Variants in FOXN3 observed in about 807,000 individuals in gnomAD.
The protein encoded by FOXN3 is forkhead box N3.
A neutral mutation model predicts 38.4 loss-of-function variants in FOXN3; 7 were observed. That is an observed-to-expected ratio of 0.18 (90% CI 0.10 to 0.34). The LOEUF is 0.34. Among genes scored for constraint, FOXN3 ranks in the 10% least tolerant of loss-of-function variants. FOXN3 has a pLI of 1.00. For missense variants in FOXN3, 456 were observed against 613.4 expected (o/e 0.74, Z 2.71); for synonymous variants, 230 against 242.2 (o/e 0.95, Z 0.47).
chr14:89,268,563 G>T (rs367734349), intron 4 of FOXN3, among the ~76,000 whole-genome samples: 1 of 152,206 alleles, frequency 6.6e-6, no homozygotes, highest in African/African-American at 2.4e-5. Flanking sequence ...CCAGCCACAG[G>T]TAGGGCAAGG....
At chr14:89,506,304 CGCCCCGTCCGGG>C in intron 1 of FOXN3, among the ~76,000 whole-genome samples, 2 of 80,870 alleles carry the variant, frequency 2.5e-5, no homozygotes, top group African/African-American at 3.3e-5. Context: ...CCCGGCCAGC[CGCCCCGTCCGGG>C]AGGGAGGTGG....
intron 1 of FOXN3, among the ~76,000 whole-genome samples, chr14:89,614,494 T>C (rs1322576856): frequency 6.6e-6 from 1 of 152,170 alleles, no homozygotes; most frequent in African/African-American, 2.4e-5. Context: ...ACGTCACTAA[T>C]TGCCACCTTT....
intron 3 of FOXN3, among the ~76,000 whole-genome samples, chr14:89,292,786 C>G (rs1192260839): frequency 6.6e-6 from 1 of 152,176 alleles, no homozygotes; most frequent in Admixed American, 6.5e-5. Context: ...GCAGCACAAA[C>G]AGACTAAGAC....
intron 4 of FOXN3, among the ~76,000 whole-genome samples, chr14:89,243,516 C>T (rs1317258207): frequency 6.6e-6 from 1 of 152,186 alleles, no homozygotes. Context: ...AACCCGTGAC[C>T]TCCACACATC....
chr14:89,368,400 T>G (rs1232601525), intron 2 of FOXN3, among the ~76,000 whole-genome samples: 1 of 151,516 alleles, frequency 6.6e-6, no homozygotes, highest in African/African-American at 2.4e-5. Flanking sequence ...CCCAGCACTT[T>G]GGGAGGCCAA....
At chr14:89,510,620 G>A (rs1170636727) in intron 1 of FOXN3, among the ~76,000 whole-genome samples, 1 of 152,126 alleles carries the variant, frequency 6.6e-6, no homozygotes, top group African/African-American at 2.4e-5. Context: ...GCGACAGGAA[G>A]TTGTCAGAGT....
rs1382699381 is a variant in FOXN3, at chr14:89,160,700, G to C, written c.*1714C>G. 2 of 152,642 alleles carry C rather than the reference G, an allele frequency of 1.3e-5. No individual in the cohort carries two copies. Among genetic ancestry groups the C allele is most frequent in the Non-Finnish European group, 2.9e-5 (2 of 68,108 alleles). 9.5% of individuals were successfully genotyped at this position (152,642 alleles called of 1,614,324 possible). A position where few individuals can be genotyped will look rare whatever the true frequency, so the allele number is the denominator to read the frequency against. ...GAGAGAAAGGACACACTTTTCAACA[G>C]AGAATCAGAGGGGGTCGGGGCTGAA... On this transcript the variant is annotated 3_prime_UTR_variant, in exon 6 of 6. Transcript: ENST00000557258.
intron 4 of FOXN3, among the ~76,000 whole-genome samples, chr14:89,183,210 A>G (rs1379934220): frequency 6.6e-6 from 1 of 152,176 alleles, no homozygotes; most frequent in African/African-American, 2.4e-5. Context: ...AAATGGTCAG[A>G]TAGCCACAGG....
intron 3 of FOXN3, among the ~76,000 whole-genome samples, chr14:89,342,613 A>AAT (rs1431727033): frequency 6.6e-6 from 1 of 152,096 alleles, no homozygotes; most frequent in Non-Finnish European, 1.5e-5. Context: ...CATCCCCTCC[A>AAT]ATTTTTTAAC....
intron 1 of FOXN3, among the ~76,000 whole-genome samples, chr14:89,606,719 G>C: frequency 6.6e-6 from 1 of 152,048 alleles, no homozygotes; most frequent in East Asian, 1.9e-4. Flanking sequence ...GTGTGGTGGC[G>C]CACGCCTGTA....
rs186404545 is a variant in FOXN3 at position 89,483,756 on chromosome 14, G to A, written c.-14-71266C>T. Among the ~76,000 whole-genome samples, 70 of 152,200 alleles carry A rather than the reference G, an allele frequency of 4.6e-4. 1 individual carries two copies. The East Asian group carries it at 8.5e-3, about 19-fold the overall frequency. On this transcript the variant is annotated intron_variant, in intron 1 of 6. Coordinates refer to the FOXN3 transcript ENST00000345097. ...TACTACTGCCTGCCCTGGCTCAGCCGGTTAGTAAGATTAGAACCCACATCT... is the reference window on the plus strand; with the variant it reads ...TACTACTGCCTGCCCTGGCTCAGCCAGTTAGTAAGATTAGAACCCACATCT...
chr14:89,422,635 G>A (rs1316930944), intron 1 of FOXN3, among the ~76,000 whole-genome samples: 1 of 152,198 alleles, frequency 6.6e-6, no homozygotes, highest in Non-Finnish European at 1.5e-5. Context: ...GCGCCCCTCG[G>A]CTGGAAGACC....
At chr14:89,354,582 C>A (rs371580334) in intron 2 of FOXN3, among the ~76,000 whole-genome samples, 1 of 146,290 alleles carries the variant, frequency 6.8e-6, no homozygotes, top group South Asian at 2.3e-4. Flanking sequence ...AGGCCAGGTG[C>A]GGTGGCTCAT....
At chr14:89,294,651 T>C (rs1434207753) in intron 3 of FOXN3, among the ~76,000 whole-genome samples, 3 of 152,092 alleles carry the variant, frequency 2.0e-5, no homozygotes, top group Non-Finnish European at 2.9e-5. Context: ...CGAACCAAGA[T>C]GGCAATGAGA....
chr14:89,543,938 A>G (rs1020666252), intron 1 of FOXN3, among the ~76,000 whole-genome samples: 1 of 152,158 alleles, frequency 6.6e-6, no homozygotes, highest in Non-Finnish European at 1.5e-5. Flanking sequence ...ATATTTTGGA[A>G]AAATATTAAT....
intron 1 of FOXN3, among the ~76,000 whole-genome samples, chr14:89,531,030 TAATA>T (rs1327041914): frequency 6.8e-6 from 1 of 147,824 alleles, no homozygotes; most frequent in Non-Finnish European, 1.5e-5. Context: ...TACACATATA[TAATA>T]TATACACATT....
At chr14:89,596,939 C>G (rs764685891) in intron 1 of FOXN3, among the ~76,000 whole-genome samples, 3 of 151,936 alleles carry the variant, frequency 2.0e-5, no homozygotes, top group Non-Finnish European at 4.4e-5. Flanking sequence ...AGTCCTTTGG[C>G]TCTGTTGATT....
At chr14:89,435,603 G>A (rs1188842759) in intron 1 of FOXN3, among the ~76,000 whole-genome samples, 1 of 152,068 alleles carries the variant, frequency 6.6e-6, no homozygotes, top group Non-Finnish European at 1.5e-5. Flanking sequence ...AGCTCCCCTG[G>A]TGCCACTACT....
In FOXN3 at chr14:89,180,809, G is replaced by C; in HGVS notation, c.746-3C>G. Reference sequence around the variant, plus strand: ...ATTTTGGATCACTCCTGGAGGAACTGAAAAAGCAAAGGGGAGAAAGACACC... The same window carrying C: ...ATTTTGGATCACTCCTGGAGGAACTCAAAAAGCAAAGGGGAGAAAGACACC... On this transcript the variant is annotated splice_region_variant and splice_polypyrimidine_tract_variant and intron_variant, in intron 4 of 5. Coordinates refer to ENST00000557258, the MANE Select transcript of FOXN3 (RefSeq NM_005197.4). The C allele has an allele frequency of 6.2e-7, 1 of 1,601,670 alleles. No homozygotes were observed. Among genetic ancestry groups the C allele is most frequent in the South Asian group, 1.1e-5 (1 of 88,992 alleles).
Sources: allele counts gnomAD v4.1 joint callset (sites outside exome capture counted in the v4.1 genomes callset), GRCh38; gene constraint gnomAD v4.1.1; transcripts MANE v1.5; gene names NCBI Gene and HGNC (gene_info 2026-07-23, HGNC 2026-07-21).